ODAD4: variants seen among roughly 807,000 people sequenced by gnomAD.
ODAD4 encodes outer dynein arm-docking complex subunit 4.
ODAD4 carries 49 observed loss-of-function variants against 51.8 expected under a neutral mutation model. The ratio of observed to expected loss-of-function variants is 0.95; its 90% confidence interval spans 0.75 to 1.20. ODAD4 has a LOEUF of 1.20. Ranked by LOEUF, ODAD4 falls within the 50% of genes most tolerant of loss-of-function variation. ODAD4 has a pLI of 0.00. For synonymous variants in ODAD4, 235 were observed against 221.3 expected, an observed-to-expected ratio of 1.06 and a Z score of -0.55; for missense variants, 590 against 586.5, an observed-to-expected ratio of 1.01 and a Z score of -0.06.
chr17:41,939,257 T>A, intron 7 of ODAD4, 85 bp downstream of exon 7: 1 of 1,334,082 alleles, frequency 7.5e-7, no homozygotes, highest in Non-Finnish European at 1.0e-6. Flanking sequence ...GGGCTGCTGG[T>A]GGCTTGACTC....
At chr17:41,960,575 A>G (rs540832977) in intron 10 of ODAD4, among the ~76,000 whole-genome samples, 4 of 152,248 alleles carry the variant, frequency 2.6e-5, no homozygotes, top group Non-Finnish European at 5.9e-5. Context: ...AGGCTTTCCA[A>G]CAAGGAGGAT....
At chr17:41,956,485 C>CAT (rs1555641043) in intron 10 of ODAD4, among the ~76,000 whole-genome samples, 5 of 110,944 alleles carry the variant, frequency 4.5e-5, no homozygotes, top group African/African-American at 1.7e-4. Flanking sequence ...CATGCCCGGC[C>CAT]TTTTTTTTTT....
At chr17:41,962,949 C>G (rs1555641957) in intron 11 of ODAD4, among the ~76,000 whole-genome samples, 1 of 152,226 alleles carries the variant, frequency 6.6e-6, no homozygotes, top group Non-Finnish European at 1.5e-5. Flanking sequence ...CCTTTATTAT[C>G]CAGCACCTGC....
In ODAD4 at chr17:41,953,653, T is replaced by TTA. The variant is rs139916074; in HGVS notation, c.1343-1549_1343-1548dup. On this transcript the variant is annotated intron_variant, in intron 9 of 11. Coordinates refer to ENST00000377540, the MANE Select transcript of ODAD4 (RefSeq NM_031421.5). ...TGAGACCCTGTCTCTATTAATTTAATTATATATATATATATAGAGAGAGAG... is the reference window on the plus strand; with the variant it reads ...TGAGACCCTGTCTCTATTAATTTAATTATATATATATATATATAGAGAGAGAG... Among the ~76,000 whole-genome samples the TTA allele has an allele frequency of 8.8e-3, 1,306 of 148,766 alleles. 17 individuals carry two copies. The highest frequency in any genetic ancestry group is 0.029 in the African/African-American group (1,164 of 40,634).
In ODAD4 at chr17:41,965,198, G is replaced by A. The variant is rs782517419; in HGVS notation, c.1734G>A (p.Leu578=). 6.5e-6 allele frequency: 5 copies of A among 773,766 alleles called. No individual in the cohort carries two copies. The Admixed American group carries it at 8.7e-5, about 13-fold the overall frequency. The allele number at this position is 773,766 out of a possible 1,614,324, so 47.9% of individuals were successfully genotyped here. Residue 578 remains leucine, a synonymous_variant, in exon 12 of 12, where the codon TTG becomes TTA. Transcript: ENST00000377540. The stretch of plus-strand genomic sequence containing the variant: ...AAGCAGGAAAAGCCAGAAGCGATTT[G>A]GGAGCAGTTGCCAAGGGCCTGTCAG... ...SVEAGKARSD[L]GAVAKGLSGE... is the part of the protein sequence containing the mutation.
At chr17:41,932,883 T>C (rs28546841) in intron 1 of ODAD4, among the ~76,000 whole-genome samples, 1 of 152,120 alleles carries the variant, frequency 6.6e-6, no homozygotes, top group African/African-American at 2.4e-5. Flanking sequence ...TTTATGACCA[T>C]TTCTTTTGCT....
In ODAD4 at chr17:41,944,444, A is replaced by ACACC. The variant is rs1191101800; in HGVS notation, c.1059-691_1059-690insACCC. ...CACACACACACACACACACACACACACCCCCCCGCATACACAGAAATTGCC... is the reference window on the plus strand; with the variant it reads ...CACACACACACACACACACACACACACACCCCCCCCCGCATACACAGAAATTGCC... On this transcript the variant is annotated intron_variant, in intron 7 of 11. Coordinates refer to ENST00000377540, the MANE Select transcript of ODAD4 (RefSeq NM_031421.5). 6.2e-3 allele frequency among the ~76,000 whole-genome samples: 121 copies of ACACC among 19,516 alleles called. 1 individual carries two copies. The highest frequency in any genetic ancestry group is 0.011 in the Admixed American group (14 of 1,324). 12.8% of individuals were successfully genotyped at this position (19,516 alleles called of 152,430 possible).
intron 10 of ODAD4, among the ~76,000 whole-genome samples, chr17:41,961,014 G>A (rs1206352647): frequency 2.0e-5 from 3 of 152,204 alleles, no homozygotes; most frequent in East Asian, 3.8e-4. Flanking sequence ...GGTCTTTTCA[G>A]TGCTGCCTTG....
chr17:41,947,547 A>G (rs1271893304), intron 8 of ODAD4, among the ~76,000 whole-genome samples: 1 of 151,896 alleles, frequency 6.6e-6, no homozygotes, highest in African/African-American at 2.4e-5. Flanking sequence ...CTGTAATCCC[A>G]GCACTTTGGG....
At chr17:41,955,136 G>C in intron 9 of ODAD4, 81 bp from the exon 10 acceptor site, 2 of 724,220 alleles carry the variant, frequency 2.8e-6, no homozygotes, top group Non-Finnish European at 5.1e-6. Context: ...CCCTGGCAGT[G>C]CTCGAGTAGC....
intron 1 of ODAD4, among the ~76,000 whole-genome samples, chr17:41,931,343 G>A (rs2050334345): frequency 6.6e-6 from 1 of 152,066 alleles, no homozygotes; most frequent in South Asian, 2.1e-4. Flanking sequence ...GTTCCCACTT[G>A]CAATCTCCAT....
chr17:41,932,640 G>A (rs2050364332), intron 1 of ODAD4, among the ~76,000 whole-genome samples: 1 of 151,670 alleles, frequency 6.6e-6, no homozygotes, highest in East Asian at 1.9e-4. Flanking sequence ...AAACTCCTGA[G>A]CTCAAGTGAT....
intron 7 of ODAD4, among the ~76,000 whole-genome samples, chr17:41,943,626 T>G (rs944198159): frequency 1.3e-4 from 20 of 152,242 alleles, no homozygotes; most frequent in African/African-American, 4.6e-4. Context: ...AAGGCTATTT[T>G]CACTTCTTTT....
In ODAD4 at chr17:41,930,729, G is replaced by A. The variant is rs1555636599; in HGVS notation, c.6G>A (p.Ser2=). The A allele has an allele frequency of 6.2e-7, 1 of 1,606,570 alleles. No individual in the cohort carries two copies. The highest frequency in any genetic ancestry group is 1.1e-5 in the South Asian group (1 of 89,916). ...CGTCTCTAAATCCGGTCACCATGTC[G>A]GACCCCGAAGGCGAGACCTTGCGAA... is the stretch of plus-strand genomic sequence containing the variant. M[S]DPEGETLRST... Residue 2 remains serine (S), a synonymous_variant, in exon 1 of 12, where the codon TCG becomes TCA. Transcript: ENST00000377540.
intron 8 of ODAD4, among the ~76,000 whole-genome samples, chr17:41,946,568 A>G (rs1013488751): frequency 8.2e-4 from 125 of 152,040 alleles, no homozygotes; most frequent in African/African-American, 2.8e-3. Context: ...CAGGTGATTC[A>G]CCCGCCATGG....
intron 9 of ODAD4, chr17:41,954,917 C>T (rs2050708384): frequency 5.4e-6 from 2 of 370,768 alleles, no homozygotes; most frequent in Admixed American, 8.0e-5. Flanking sequence ...CGGTTTTCTC[C>T]TCCACTCTGG....
intron 10 of ODAD4, among the ~76,000 whole-genome samples, chr17:41,957,680 C>G (rs1343638150): frequency 6.6e-6 from 1 of 152,238 alleles, no homozygotes; most frequent in Non-Finnish European, 1.5e-5. Flanking sequence ...GGTAAGCTCT[C>G]CCCTGTGGGC....
Position 41,931,038 on chromosome 17 carries a change from C to A in ODAD4, c.114+201C>A, listed in dbSNP as rs531901612. ...CCTCCCAAGTAGCTGGGACTACAGG[C>A]GCGTGCCACCATGCCCGGCTAATTA... On this transcript the variant is annotated intron_variant, in intron 1 of 11. Coordinates refer to ENST00000377540, the MANE Select transcript of ODAD4 (RefSeq NM_031421.5). Among the ~76,000 whole-genome samples the A allele has an allele frequency of 4.6e-5, 7 of 151,950 alleles. No individual in the cohort carries two copies. The East Asian group carries it at 1.4e-3, about 29-fold the overall frequency.
intron 10 of ODAD4, among the ~76,000 whole-genome samples, chr17:41,955,666 C>A (rs1394420035): frequency 6.6e-6 from 1 of 152,060 alleles, no homozygotes; most frequent in Non-Finnish European, 1.5e-5. Context: ...CTTTGTGATC[C>A]GCCCGCCTTG....
Sources: gnomAD v4.1 joint callset for allele counts (sites outside exome capture counted in the v4.1 genomes callset) on GRCh38, gnomAD v4.1.1 for gene constraint, MANE v1.5 for transcripts, NCBI Gene and HGNC (gene_info 2026-07-23, HGNC 2026-07-21) for gene names.